The following ST8SIA5 variants were observed in gnomAD, a reference collection of about 807,000 sequenced individuals.
ST8SIA5 encodes ST8 alpha-N-acetyl-neuraminide alpha-2,8-sialyltransferase 5.
A neutral mutation model predicts 40.2 loss-of-function variants in ST8SIA5; 24 were observed. The observed-to-expected ratio is 0.60, with a 90% CI of 0.43 to 0.84. The LOEUF (loss-of-function observed/expected upper bound fraction) is 0.84. Among genes scored for constraint, ST8SIA5 ranks in the 40% least tolerant of loss-of-function variants. The pLI is 0.00. For missense variants in ST8SIA5, 465 were observed against 498.5 expected (o/e 0.93, Z 0.64); for synonymous variants, 198 against 201.8 (o/e 0.98, Z 0.16).
intron 1 of ST8SIA5, among the ~76,000 whole-genome samples, chr18:46,739,204 C>A (rs913471814): frequency 6.6e-6 from 1 of 152,048 alleles, no homozygotes; most frequent in African/African-American, 2.4e-5. Flanking sequence ...TCGGAGGCAG[C>A]GTGGGTGAAG....
At chr18:46,705,540 G>A (rs1192591705) in intron 1 of ST8SIA5, among the ~76,000 whole-genome samples, 9 of 152,262 alleles carry the variant, frequency 5.9e-5, no homozygotes, top group Admixed American at 5.9e-4. Context: ...AGGTGGCAGA[G>A]CCAAGATGGG....
At chr18:46,698,993 A>G (rs2039584390) in intron 2 of ST8SIA5, among the ~76,000 whole-genome samples, 1 of 152,248 alleles carries the variant, frequency 6.6e-6, no homozygotes. Flanking sequence ...CAATATCTAC[A>G]TCATCCCAAT....
chr18:46,683,960 G>A (rs2039422100), intron 5 of ST8SIA5, among the ~76,000 whole-genome samples: 1 of 151,990 alleles, frequency 6.6e-6, no homozygotes, highest in South Asian at 2.1e-4. Context: ...CTGACTCCAA[G>A]CCTAGGTCTC....
intron 1 of ST8SIA5, among the ~76,000 whole-genome samples, chr18:46,728,763 C>T (rs1599140055): frequency 6.6e-6 from 1 of 152,320 alleles, no homozygotes; most frequent in South Asian, 2.1e-4. Flanking sequence ...ACTGTCATTG[C>T]TCTGCTCTGT....
intron 1 of ST8SIA5, among the ~76,000 whole-genome samples, chr18:46,744,732 A>G (rs1193436381): frequency 2.6e-5 from 4 of 152,226 alleles, no homozygotes; most frequent in Non-Finnish European, 5.9e-5. Flanking sequence ...ACATCTACAG[A>G]ACTCTCCACC....
intron 1 of ST8SIA5, among the ~76,000 whole-genome samples, chr18:46,725,491 G>A (rs2144535140): frequency 6.6e-6 from 1 of 152,134 alleles, no homozygotes; most frequent in South Asian, 2.1e-4. Context: ...GGACTACTGA[G>A]CAGAAAATAT....
At chr18:46,701,945 A>G (rs1422136519) in intron 2 of ST8SIA5, among the ~76,000 whole-genome samples, 1 of 152,168 alleles carries the variant, frequency 6.6e-6, no homozygotes, top group African/African-American at 2.4e-5. Context: ...CAGGAGTTCA[A>G]GACCAGCCTG....
At chr18:46,697,610 G>A (rs951958907) in intron 2 of ST8SIA5, among the ~76,000 whole-genome samples, 2 of 152,186 alleles carry the variant, frequency 1.3e-5, no homozygotes, top group African/African-American at 4.8e-5. Context: ...GGAGGCTGAG[G>A]CGGCAGGATT....
chr18:46,732,639 TA>T (rs973095614), intron 1 of ST8SIA5, among the ~76,000 whole-genome samples: 3 of 152,164 alleles, frequency 2.0e-5, no homozygotes, highest in Non-Finnish European at 2.9e-5. Context: ...GCTCTATTCG[TA>T]AAAAAACAAT....
intron 2 of ST8SIA5, among the ~76,000 whole-genome samples, chr18:46,699,744 T>TCCC (rs2039593110): frequency 6.6e-6 from 1 of 152,192 alleles, no homozygotes; most frequent in Non-Finnish European, 1.5e-5. Flanking sequence ...CTCTGTCCAC[T>TCCC]TATTCATTTA....
chr18:46,739,207 G>A (rs1260553417), intron 1 of ST8SIA5, among the ~76,000 whole-genome samples: 1 of 152,122 alleles, frequency 6.6e-6, no homozygotes, highest in Non-Finnish European at 1.5e-5. Context: ...GAGGCAGCGT[G>A]GGTGAAGGCC....
intron 2 of ST8SIA5, among the ~76,000 whole-genome samples, chr18:46,702,363 C>G (rs2039626871): frequency 6.6e-6 from 1 of 152,138 alleles, no homozygotes; most frequent in African/African-American, 2.4e-5. Flanking sequence ...TTTAAAATAC[C>G]AACCAGCTCA....
At chr18:46,744,723 C>T (rs908500184) in intron 1 of ST8SIA5, among the ~76,000 whole-genome samples, 1 of 152,202 alleles carries the variant, frequency 6.6e-6, no homozygotes, top group Non-Finnish European at 1.5e-5. Flanking sequence ...ACCTAACAGA[C>T]ATCTACAGAA....
intron 1 of ST8SIA5, among the ~76,000 whole-genome samples, chr18:46,725,972 A>AAAAAAAAAAAAT (rs59660372): frequency 3.4e-5 from 1 of 29,096 alleles, no homozygotes; most frequent in Non-Finnish European, 6.0e-5. Context: ...AAAAAAAAAA[A>AAAAAAAAAAAAT]ATATATATAT....
In ST8SIA5 at chr18:46,756,420, G is replaced by A. The variant is rs370721700; in HGVS notation, c.89C>T (p.Thr30Ile). Residue 30 changes from threonine (T) to isoleucine (I), a missense_variant, in exon 1 of 7, where the codon ACC becomes ATC. Coordinates refer to ENST00000315087, the MANE Select transcript of ST8SIA5 (RefSeq NM_013305.6). ...GCCATACAGGATCTGTTGCAGCAAGGTCACCAAGGCAAAGGCGCAGATGAA... is the reference window on the plus strand; with the variant it reads ...GCCATACAGGATCTGTTGCAGCAAGATCACCAAGGCAAAGGCGCAGATGAA... Reference protein sequence around the residue: ...FIFICAFALVTLLQQILYGRN... With the variant: ...FIFICAFALVILLQQILYGRN... 2 of 1,613,120 alleles carry A rather than the reference G, an allele frequency of 1.2e-6. No homozygotes were observed. The highest frequency in any genetic ancestry group is 2.7e-5 in the African/African-American group (2 of 74,880).
intron 1 of ST8SIA5, among the ~76,000 whole-genome samples, chr18:46,716,629 T>C (rs1383414758): frequency 6.6e-6 from 1 of 152,190 alleles, no homozygotes; most frequent in Admixed American, 6.5e-5. Context: ...CCAAGGAGCC[T>C]GCAGCTGTGC....
rs906722066 is a variant in ST8SIA5 at position 46,756,252 on chromosome 18, G to C, written c.131+126C>G. On this transcript the variant is annotated intron_variant, in intron 1 of 6. Transcript: ENST00000315087. ...GGCCCAAGCCTAAGCGGCCATGCTC[G>C]GGGCTAGGAGCGGACCCCACGGCCA... The C allele has an allele frequency of 3.4e-5, 46 of 1,350,522 alleles. 1 individual carries two copies. The Admixed American group carries it at 7.4e-4, about 22-fold the overall frequency. The allele number at this position is 1,350,522 out of a possible 1,614,324, so 83.7% of individuals were successfully genotyped here.
chr18:46,708,600 T>C (rs1430079407), intron 1 of ST8SIA5, among the ~76,000 whole-genome samples: 1 of 152,010 alleles, frequency 6.6e-6, no homozygotes, highest in Non-Finnish European at 1.5e-5. Flanking sequence ...TCTTCCCCAC[T>C]CACCCCAGGG....
At chr18:46,685,134 A>T (rs901281844) in intron 5 of ST8SIA5, among the ~76,000 whole-genome samples, 3 of 152,216 alleles carry the variant, frequency 2.0e-5, no homozygotes, top group African/African-American at 7.2e-5. Flanking sequence ...GAGGAAACCA[A>T]GGCCCAGAAG....
Sources: allele counts gnomAD v4.1 joint callset (sites outside exome capture counted in the v4.1 genomes callset), GRCh38; gene constraint gnomAD v4.1.1; transcripts MANE v1.5; gene names NCBI Gene and HGNC (gene_info 2026-07-23, HGNC 2026-07-21).